Variants in CDC16 observed in about 807,000 individuals in gnomAD.
CDC16 encodes cell division cycle 16.
A neutral mutation model predicts 87.0 loss-of-function variants in CDC16; 34 were observed. That is an observed-to-expected ratio of 0.39 (90% CI 0.30 to 0.52). CDC16 has a LOEUF of 0.52. Ranked by LOEUF, CDC16 falls within the 20% of genes least tolerant of loss-of-function variation. CDC16 has a pLI of 0.74. For missense variants in CDC16, 653 were observed against 751.9 expected, an observed-to-expected ratio of 0.87 and a Z score of 1.54; for synonymous variants, 263 against 260.6, an observed-to-expected ratio of 1.01 and a Z score of -0.09.
intron 16 of CDC16, chr13:114,264,940 G>A: frequency 2.1e-6 from 1 of 472,178 alleles, no homozygotes; most frequent in Non-Finnish European, 3.9e-6. Flanking sequence ...CTTTTTTGGG[G>A]TAGATTTCCA....
intron 17 of CDC16, among the ~76,000 whole-genome samples, chr13:114,267,341 A>AC (rs1405249267): frequency 7.6e-6 from 1 of 131,670 alleles, no homozygotes; most frequent in Non-Finnish European, 1.6e-5. Context: ...ACAAAACAAT[A>AC]CAAAAAAAAA....
At chr13:114,256,786 G>A (rs2082527911) in intron 12 of CDC16, among the ~76,000 whole-genome samples, 1 of 152,206 alleles carries the variant, frequency 6.6e-6, no homozygotes, top group East Asian at 1.9e-4. Flanking sequence ...CAAGGAGGAA[G>A]ACAGCACCAC....
intron 3 of CDC16, among the ~76,000 whole-genome samples, chr13:114,237,529 C>T (rs2081316643): frequency 6.6e-6 from 1 of 152,120 alleles, no homozygotes; most frequent in African/African-American, 2.4e-5. Context: ...TGGTCTCAAG[C>T]AGTCCTCCCG....
intron 5 of CDC16, 77 bp from the exon 6 acceptor site, chr13:114,242,042 ACT>A: frequency 1.3e-6 from 2 of 1,485,362 alleles, no homozygotes; most frequent in Non-Finnish European, 1.8e-6. Flanking sequence ...ACAGAGTGAG[ACT>A]CTGCCTCTAA....
rs1489853459 is a variant in CDC16, at chr13:114,242,892, G to T, written c.542-365G>T. Among the ~76,000 whole-genome samples the T allele has an allele frequency of 2.0e-5, 3 of 152,336 alleles. No homozygotes were observed. The East Asian group carries it at 5.8e-4, about 29-fold the overall frequency. On this transcript the variant is annotated intron_variant, in intron 6 of 17. Coordinates refer to ENST00000356221, the MANE Select transcript of CDC16 (RefSeq NM_001078645.3). ...TAGGGGCAGGGAGGGAGGTTGAGAG[G>T]TTGCTGCTGGTATCTAGTGGTTAGT...
At chr13:114,265,264 G>A (rs1466165321) in intron 17 of CDC16, 24 bp downstream of exon 17, 1 of 1,413,548 alleles carries the variant, frequency 7.1e-7, no homozygotes, top group Non-Finnish European at 1.0e-6. Flanking sequence ...TATTCTTATT[G>A]GTATTGTACT....
rs1300324904 is a variant in CDC16, at chr13:114,262,920, T to C, written c.1418T>C (p.Val473Ala). ...EALDYHRQAL[V>A]LIPQNASTYS... is the part of the protein sequence containing the mutation. ...TTGGATTACCACCGTCAGGCACTGG[T>C]GTTGATTCCTCAGAACGCATCCACC... Residue 473 changes from valine to alanine, a missense_variant, in exon 16 of 18, where the codon GTG becomes GCG. Val to Ala is a moderately conservative substitution (Grantham distance 64, BLOSUM62 0). Coordinates refer to ENST00000356221, the MANE Select transcript of CDC16 (RefSeq NM_001078645.3). 6 of 1,614,022 alleles carry C rather than the reference T, an allele frequency of 3.7e-6. No homozygotes were observed. Among genetic ancestry groups the C allele is most frequent in the Non-Finnish European group, 5.1e-6 (6 of 1,179,950 alleles).
chr13:114,270,499 A>G (rs2083546848), intron 17 of CDC16, among the ~76,000 whole-genome samples: 1 of 152,178 alleles, frequency 6.6e-6, no homozygotes, highest in Non-Finnish European at 1.5e-5. Flanking sequence ...AACAAAACTA[A>G]TTGGTAGCGA....
intron 3 of CDC16, 105 bp from the exon 4 acceptor site, chr13:114,238,885 A>G: frequency 7.1e-7 from 1 of 1,407,338 alleles, no homozygotes; most frequent in African/African-American, 1.5e-5. Context: ...CAAGAGTAAA[A>G]GGAGAAATTA....
At chr13:114,258,152 T>A (rs2082623976) in intron 13 of CDC16, among the ~76,000 whole-genome samples, 1 of 152,248 alleles carries the variant, frequency 6.6e-6, no homozygotes, top group Non-Finnish European at 1.5e-5. Context: ...ATGGGTTATC[T>A]AGGTATTTTT....
At chr13:114,258,604 G>A (rs2082650008) in intron 13 of CDC16, among the ~76,000 whole-genome samples, 1 of 152,146 alleles carries the variant, frequency 6.6e-6, no homozygotes. Flanking sequence ...TTATAGTGCT[G>A]CTGGCCCTGA....
At chr13:114,241,023 C>A (rs9590494) in intron 5 of CDC16, among the ~76,000 whole-genome samples, 45,137 of 151,998 alleles carry the variant, frequency 0.3, 7,879 homozygotes, top group African/African-American at 0.48. Flanking sequence ...CTTTATGAAT[C>A]TTCTTCATAT....
At chr13:114,261,710 C>T (rs767563545) in intron 14 of CDC16, among the ~76,000 whole-genome samples, 177 bp from the exon 15 acceptor site, 2 of 152,108 alleles carry the variant, frequency 1.3e-5, no homozygotes, top group Non-Finnish European at 2.9e-5. Context: ...CTCAGGAAGT[C>T]TCCTAGTAGG....
intron 11 of CDC16, among the ~76,000 whole-genome samples, chr13:114,247,466 C>T (rs549595703): frequency 4.0e-5 from 6 of 151,708 alleles, no homozygotes; most frequent in South Asian, 4.2e-4. Context: ...CCATGCCTGG[C>T]TGAATAAATG....
chr13:114,246,175 A>C, intron 10 of CDC16, 126 bp downstream of exon 10: 1 of 537,126 alleles, frequency 1.9e-6, no homozygotes, highest in South Asian at 2.6e-5. Context: ...GTTGCAACAG[A>C]ATCTCCTAGT....
chr13:114,261,793 G>A, intron 14 of CDC16, 94 bp from the exon 15 acceptor site: 1 of 805,564 alleles, frequency 1.2e-6, no homozygotes, highest in Non-Finnish European at 2.0e-6. Flanking sequence ...CTGGGAGAGA[G>A]CCCAGCTTGC....
intron 12 of CDC16, among the ~76,000 whole-genome samples, chr13:114,252,606 G>C (rs2139018013): frequency 6.6e-6 from 1 of 151,868 alleles, no homozygotes; most frequent in South Asian, 2.1e-4. Flanking sequence ...TCCAGTATCT[G>C]CATATTTCCC....
intron 12 of CDC16, among the ~76,000 whole-genome samples, chr13:114,254,445 C>T (rs2082377882): frequency 6.6e-6 from 1 of 152,198 alleles, no homozygotes; most frequent in South Asian, 2.1e-4. Context: ...TTTAAAACGA[C>T]CTACTTTGAA....
intron 17 of CDC16, among the ~76,000 whole-genome samples, chr13:114,268,138 G>T (rs1480248430): frequency 6.6e-6 from 1 of 152,196 alleles, no homozygotes; most frequent in Non-Finnish European, 1.5e-5. Context: ...AGGGAAAGGG[G>T]GGGGAGTTCC....
Sources: allele counts gnomAD v4.1 joint callset (sites outside exome capture counted in the v4.1 genomes callset), GRCh38; gene constraint gnomAD v4.1.1; transcripts MANE v1.5; gene names NCBI Gene and HGNC (gene_info 2026-07-23, HGNC 2026-07-21).